Variants in TCF4 observed in about 807,000 individuals in gnomAD.
TCF4 encodes the protein SL3-3 enhancer factor 2.
In TCF4, 3 loss-of-function variants were observed where a neutral mutation model predicts 82.1. That is an observed-to-expected ratio of 0.04 (90% CI 0.02 to 0.09). The LOEUF (loss-of-function observed/expected upper bound fraction) is 0.09. Among genes scored for constraint, TCF4 ranks in the 10% least tolerant of loss-of-function variants. TCF4 has a pLI of 1.00. For missense variants in TCF4, 518 were observed against 852.7 expected (o/e 0.61, Z 4.89); for synonymous variants, 276 against 309.6 (o/e 0.89, Z 1.14).
intron 3 of TCF4, among the ~76,000 whole-genome samples, chr18:55,502,594 T>C (rs1399125030): frequency 1.3e-5 from 2 of 152,182 alleles, no homozygotes; most frequent in African/African-American, 4.8e-5. Flanking sequence ...GGGATGCCTT[T>C]TAAAGTGGGG....
intron 3 of TCF4, among the ~76,000 whole-genome samples, chr18:55,580,139 C>T (rs1404507868): frequency 6.6e-6 from 1 of 151,946 alleles, no homozygotes; most frequent in African/African-American, 2.4e-5. Flanking sequence ...ATTTTATTTA[C>T]TTAAGTCAGT....
chr18:55,382,542 G>C (rs1008830602), intron 6 of TCF4, among the ~76,000 whole-genome samples: 14 of 152,090 alleles, frequency 9.2e-5, no homozygotes, highest in Non-Finnish European at 1.9e-4. Context: ...TTTATCCATA[G>C]TTTTCCCAGA....
intron 10 of TCF4, among the ~76,000 whole-genome samples, chr18:55,274,324 T>C (rs959431945): frequency 9.9e-5 from 15 of 152,184 alleles, no homozygotes; most frequent in African/African-American, 3.6e-4. Flanking sequence ...AGTTTGTGAT[T>C]TACACATTCA....
chr18:55,362,372 AGG>A lies in TCF4; in HGVS notation c.370-11371_370-11370del, dbSNP rs1491587681. 3.8e-4 allele frequency among the ~76,000 whole-genome samples: 42 copies of A among 109,670 alleles called. 1 individual carries two copies. The highest frequency in any genetic ancestry group is 3.9e-3 in the Middle Eastern group (1 of 254). The allele number at this position is 109,670 out of a possible 152,430, so 71.9% of individuals were successfully genotyped here. A position where few individuals can be genotyped will look rare whatever the true frequency, so the allele number is the denominator to read the frequency against. On this transcript the variant is annotated intron_variant, in intron 6 of 19. Transcript: ENST00000354452. ...AAGGAAGGAAGGAAGGAAGGAAGGA[AGG>A]AAGGAAGGAAGGAAGGAAAGAAGGA... is the stretch of plus-strand genomic sequence containing the variant.
At chr18:55,251,161 T>C (rs1221193142) in intron 15 of TCF4, among the ~76,000 whole-genome samples, 4 of 152,152 alleles carry the variant, frequency 2.6e-5, no homozygotes, top group Non-Finnish European at 4.4e-5. Context: ...TAAATGGTAA[T>C]AGGCTTCAAA....
At chr18:55,314,828 T>A (rs1427450973) in intron 8 of TCF4, among the ~76,000 whole-genome samples, 2 of 152,060 alleles carry the variant, frequency 1.3e-5, no homozygotes, top group Non-Finnish European at 2.9e-5. Flanking sequence ...CAACTATTTT[T>A]AAAATGGTGT....
intron 15 of TCF4, 32 bp downstream of exon 15, chr18:55,254,465 T>A: frequency 6.3e-7 from 1 of 1,585,210 alleles, no homozygotes; most frequent in Non-Finnish European, 8.7e-7. Context: ...CTCTATATGA[T>A]AACTATAGAG....
chr18:55,422,121 C>T, intron 5 of TCF4: 1 of 648,104 alleles, frequency 1.5e-6, no homozygotes, highest in Non-Finnish European at 1.8e-6. Context: ...AAACCACTAT[C>T]ATCCAAAAAA....
chr18:55,298,149 T>C (rs536556758), intron 8 of TCF4, among the ~76,000 whole-genome samples: 239 of 152,310 alleles, frequency 1.6e-3, no homozygotes, highest in Non-Finnish European at 2.6e-3. Context: ...CACTATCTCA[T>C]GCCTCTGAAG....
intron 15 of TCF4, among the ~76,000 whole-genome samples, chr18:55,250,907 G>GA (rs2054863943): frequency 6.6e-6 from 1 of 152,080 alleles, no homozygotes; most frequent in Non-Finnish European, 1.5e-5. Context: ...TAAGAATAGA[G>GA]AAAAAAATGG....
intron 3 of TCF4, among the ~76,000 whole-genome samples, chr18:55,503,704 C>G (rs1268230146): frequency 6.6e-6 from 1 of 152,182 alleles, no homozygotes; most frequent in African/African-American, 2.4e-5. Context: ...AACTCCGTTT[C>G]TTTAGGCAAT....
At chr18:55,316,100 ATTAT>A (rs1355564002) in intron 8 of TCF4, among the ~76,000 whole-genome samples, 1 of 152,076 alleles carries the variant, frequency 6.6e-6, no homozygotes, top group Non-Finnish European at 1.5e-5. Flanking sequence ...ACTGTGAAAG[ATTAT>A]TTATTTTGTA....
intron 5 of TCF4, among the ~76,000 whole-genome samples, chr18:55,442,853 C>T (rs2095463906): frequency 6.6e-6 from 1 of 152,222 alleles, no homozygotes; most frequent in Non-Finnish European, 1.5e-5. Context: ...AGAATGAACA[C>T]ATGAAGCTCT....
chr18:55,558,027 T>G (rs2097319685), intron 3 of TCF4, among the ~76,000 whole-genome samples: 1 of 151,932 alleles, frequency 6.6e-6, no homozygotes, highest in Non-Finnish European at 1.5e-5. Context: ...CAACATAGTT[T>G]GATTCAATTT....
intron 8 of TCF4, among the ~76,000 whole-genome samples, chr18:55,304,808 T>C (rs1385748734): frequency 2.0e-5 from 3 of 152,016 alleles, no homozygotes; most frequent in African/African-American, 4.8e-5. Context: ...GTTGAGAAAA[T>C]GTGATTTAAG....
chr18:55,483,665 T>C (rs1460572999), intron 3 of TCF4, among the ~76,000 whole-genome samples: 1 of 152,224 alleles, frequency 6.6e-6, no homozygotes, highest in African/African-American at 2.4e-5. Flanking sequence ...ATACATATTA[T>C]ATAATCATTG....
At chr18:55,549,635 G>A (rs947778839) in intron 3 of TCF4, among the ~76,000 whole-genome samples, 27 of 152,224 alleles carry the variant, frequency 1.8e-4, no homozygotes, top group Non-Finnish European at 4.4e-5. Flanking sequence ...CGCTGTCAGG[G>A]GCAACAACAG....
At position 55,280,394 on chromosome 18, in the gene TCF4, T is replaced by G. The variant is rs149490141; in HGVS notation, c.550-738A>C. Reference sequence around the variant, plus strand: ...ATTCATTTACTAATACTCATGAGACTTGGGAAACCAATTCTTTATACAAAT... The same window carrying G: ...ATTCATTTACTAATACTCATGAGACGTGGGAAACCAATTCTTTATACAAAT... On this transcript the variant is annotated intron_variant, in intron 8 of 19. Transcript: ENST00000354452. Among the ~76,000 whole-genome samples, 7 of 152,348 alleles carry G rather than the reference T, an allele frequency of 4.6e-5. No individual in the cohort carries two copies. In the East Asian group the frequency reaches 7.7e-4, roughly 17 times the overall value.
chr18:55,429,375 C>A (rs1328827054), intron 5 of TCF4, among the ~76,000 whole-genome samples: 1 of 152,214 alleles, frequency 6.6e-6, no homozygotes, highest in Non-Finnish European at 1.5e-5. Context: ...TAGGACAAAA[C>A]ATGTTCCCTT....
Sources: gnomAD v4.1 joint callset for allele counts (sites outside exome capture counted in the v4.1 genomes callset) on GRCh38, gnomAD v4.1.1 for gene constraint, MANE v1.5 for transcripts, NCBI Gene and HGNC (gene_info 2026-07-23, HGNC 2026-07-21) for gene names.